Variants in MAML1 observed in about 807,000 individuals in gnomAD.
MAML1 encodes mastermind-like protein 1.
Under a neutral mutation model 77.1 loss-of-function variants are expected in MAML1, and 14 were observed. That is an observed-to-expected ratio of 0.18 (90% confidence interval 0.12 to 0.28). The LOEUF (loss-of-function observed/expected upper bound fraction) is 0.28. MAML1 is among the 10% of genes least tolerant of loss of function. The pLI is 1.00. For synonymous variants in MAML1, 516 were observed against 551.9 expected, an observed-to-expected ratio of 0.93 and a Z score of 0.91; for missense variants, 1,217 against 1,327.8, an observed-to-expected ratio of 0.92 and a Z score of 1.30.
intron 1 of MAML1, among the ~76,000 whole-genome samples, chr5:179,761,256 T>A (rs1304583816): frequency 6.6e-6 from 1 of 151,538 alleles, no homozygotes; most frequent in Non-Finnish European, 1.5e-5. Flanking sequence ...TAGCCAGTTA[T>A]GGTGGTTCAT....
At chr5:179,738,850 GGCTCACTACA>G (rs1292655610) in intron 1 of MAML1, among the ~76,000 whole-genome samples, 2 of 150,064 alleles carry the variant, frequency 1.3e-5, no homozygotes, top group Admixed American at 1.3e-4. Context: ...GCACCATTAT[GGCTCACTACA>G]GCCTCAACCT....
intron 4 of MAML1, among the ~76,000 whole-genome samples, chr5:179,773,146 G>A (rs765689553): frequency 6.6e-6 from 1 of 152,234 alleles, no homozygotes; most frequent in Non-Finnish European, 1.5e-5. Flanking sequence ...GTCTCCCAAA[G>A]TGCTGGGATT....
chr5:179,735,585 T>C (rs1186838275), intron 1 of MAML1, among the ~76,000 whole-genome samples: 1 of 152,104 alleles, frequency 6.6e-6, no homozygotes, highest in African/African-American at 2.4e-5. Context: ...GAGATGGGGT[T>C]TCACCATGTT....
chr5:179,752,849 C>T (rs1215814898), intron 1 of MAML1, among the ~76,000 whole-genome samples: 1 of 152,074 alleles, frequency 6.6e-6, no homozygotes, highest in East Asian at 1.9e-4. Flanking sequence ...TCTCGGCTCA[C>T]CGCAACCACC....
rs765727565 is a variant in MAML1 at position 179,774,423 on chromosome 5, T to A, written c.2597T>A (p.Phe866Tyr). The A allele has an allele frequency of 1.5e-5, 25 of 1,613,102 alleles. No individual in the cohort carries two copies. Among genetic ancestry groups the A allele is most frequent in the Middle Eastern group, 3.3e-4 (2 of 6,084 alleles). The change falls in exon 5 of 5, where the codon TTC becomes TAC. Residue 866 changes from phenylalanine to tyrosine, a missense_variant. Phe to Tyr is a conservative substitution (Grantham distance 22). Coordinates refer to ENST00000292599, the MANE Select transcript of MAML1 (RefSeq NM_014757.5). Reference protein sequence around the residue: ...NVSPFTAASSFHMQQQAHLKM... With the variant: ...NVSPFTAASSYHMQQQAHLKM... ...AGTCCCTTCACTGCAGCCTCCAGTT[T>A]CCACATGCAGCAGCAGGCCCACCTG...
In MAML1 at chr5:179,776,617, G is replaced by C; in HGVS notation, c.*1740G>C. 1.0e-6 allele frequency: 1 copy of C among 985,680 alleles called. No homozygotes were observed. The highest frequency in any genetic ancestry group is 1.2e-6 in the Non-Finnish European group (1 of 829,964). 61.1% of individuals were successfully genotyped at this position (985,680 alleles called of 1,614,324 possible). On this transcript the variant is annotated 3_prime_UTR_variant, in exon 5 of 5. Coordinates refer to ENST00000292599, the MANE Select transcript of MAML1 (RefSeq NM_014757.5). ...GTTCCCCAATCTGAAGGGGAAGAGG[G>C]TGACCTCAGCGGCTTTTCTCCCAAA...
rs141672969 is a variant in MAML1, at chr5:179,744,721, G to A, written c.315+11294G>A. Reference sequence around the variant, plus strand: ...GTAGAGACGAGGTTTCACCATATTGGCTAAGCTGGTCTTGAACTCCTGGCC... The same window carrying A: ...GTAGAGACGAGGTTTCACCATATTGACTAAGCTGGTCTTGAACTCCTGGCC... On this transcript the variant is annotated intron_variant, in intron 1 of 4. Transcript: ENST00000292599. Among the ~76,000 whole-genome samples, 305 of 151,778 alleles carry A rather than the reference G, an allele frequency of 2.0e-3. 3 individuals are homozygous for A. Among genetic ancestry groups the A allele is most frequent in the African/African-American group, 7.0e-3 (290 of 41,374 alleles).
chr5:179,770,265 A>G (rs559542489), intron 3 of MAML1, among the ~76,000 whole-genome samples: 35 of 152,192 alleles, frequency 2.3e-4, no homozygotes, highest in East Asian at 9.7e-4. Context: ...TGGCTAACAC[A>G]GTGAAACCCC....
rs200898676 is a variant in MAML1, at chr5:179,774,771, G to A, written c.2945G>A (p.Gly982Glu). 6.2e-7 allele frequency: 1 copy of A among 1,613,642 alleles called. No individual in the cohort carries two copies. Among genetic ancestry groups the A allele is most frequent in the East Asian group, 2.2e-5 (1 of 44,886 alleles). ...TATAGCGGGCAGCCAGGTGGCAGTG[G>A]GCTCTCTAGTGTGGCTGGACACACC... ...FAYSGQPGGS[G>E]LSSVAGHTDL... Residue 982 changes from glycine (G) to glutamate (E), a missense_variant, in exon 5 of 5, where the codon GGG (glycine) becomes GAG (glutamate). Transcript: ENST00000292599.
chr5:179,746,121 G>A (rs1187835159), intron 1 of MAML1, among the ~76,000 whole-genome samples: 3 of 151,226 alleles, frequency 2.0e-5, no homozygotes, highest in African/African-American at 7.3e-5. Flanking sequence ...AGGCAGGTGC[G>A]GATCACCTGA....
chr5:179,773,761 C>T, intron 4 of MAML1, 134 bp from the exon 5 acceptor site: 1 of 1,497,364 alleles, frequency 6.7e-7, no homozygotes, highest in Non-Finnish European at 8.8e-7. Flanking sequence ...CTGTGGAAGG[C>T]TTTCTGCCCC....
chr5:179,763,695 C>A (rs1779761507), intron 1 of MAML1, among the ~76,000 whole-genome samples: 1 of 152,138 alleles, frequency 6.6e-6, no homozygotes, highest in African/African-American at 2.4e-5. Flanking sequence ...GGAGTTGCCC[C>A]AGGCAGGACG....
At chr5:179,756,844 C>G (rs972381414) in intron 1 of MAML1, among the ~76,000 whole-genome samples, 15 of 152,198 alleles carry the variant, frequency 9.9e-5, no homozygotes, top group Admixed American at 9.8e-4. Flanking sequence ...AATGCCTGGT[C>G]ATCGGAGAGG....
chr5:179,748,400 AAAGTT>A, intron 1 of MAML1, among the ~76,000 whole-genome samples: 1 of 152,300 alleles, frequency 6.6e-6, no homozygotes, highest in South Asian at 2.1e-4. Context: ...TATACTTTAA[AAAGTT>A]AAGATGGTAA....
chr5:179,735,749 A>G (rs563016134), intron 1 of MAML1, among the ~76,000 whole-genome samples: 1 of 151,370 alleles, frequency 6.6e-6, no homozygotes, highest in East Asian at 2.0e-4. Flanking sequence ...GTGTAGTGAC[A>G]TGATTTCTGC....
chr5:179,766,872 G>T lies in MAML1; in HGVS notation c.1731+131G>T. ...GGAGGGAATAGCTGCTGTCATCCTT[G>T]CTCCTCTTGGGAGTGGAAATTTATA... On this transcript the variant is annotated intron_variant, in intron 2 of 4. Coordinates refer to ENST00000292599, the MANE Select transcript of MAML1 (RefSeq NM_014757.5). The surrounding 1 kb of genome is among the most constrained non-coding windows in gnomAD (Gnocchi z 4.0). 1 of 682,118 alleles carries T rather than the reference G, an allele frequency of 1.5e-6. No individual in the cohort carries two copies. The highest frequency in any genetic ancestry group is 2.3e-6 in the Non-Finnish European group (1 of 437,706). 42.3% of individuals were successfully genotyped at this position (682,118 alleles called of 1,614,324 possible). A position where few individuals can be genotyped will look rare whatever the true frequency, so the allele number is the denominator to read the frequency against.
At position 179,775,075 on chromosome 5, in the gene MAML1, TG is replaced by T; in HGVS notation, c.*200del. 1.4e-6 allele frequency: 2 copies of T among 1,390,026 alleles called. No homozygotes were observed. The highest frequency in any genetic ancestry group is 3.4e-5 in the South Asian group (2 of 58,138). 86.1% of individuals were successfully genotyped at this position (1,390,026 alleles called of 1,614,324 possible). A position where few individuals can be genotyped will look rare whatever the true frequency, so the allele number is the denominator to read the frequency against. On this transcript the variant is annotated 3_prime_UTR_variant, in exon 5 of 5. Coordinates refer to ENST00000292599, the MANE Select transcript of MAML1 (RefSeq NM_014757.5). ...GGCCAGCAGTTGAGGTCCATCGGGC[TG>T]GCCCCAGCCCATCTGCTGGCATCAG...
chr5:179,752,700 G>A (rs533874939), intron 1 of MAML1, among the ~76,000 whole-genome samples: 1 of 140,886 alleles, frequency 7.1e-6, no homozygotes, highest in East Asian at 2.2e-4. Flanking sequence ...TCCGCCTCCC[G>A]GGTTCACGCC....
At position 179,773,954 on chromosome 5, in the gene MAML1, C is replaced by G. The variant is rs760363021; in HGVS notation, c.2128C>G (p.Arg710Gly). Residue 710 changes from arginine (R) to glycine (G), a missense_variant, in exon 5 of 5, where the codon CGA (arginine) becomes GGA (glycine). Physicochemically the swap from Arg to Gly is moderately radical, Grantham distance 125. Transcript: ENST00000292599. ...GGGTCCATCCAACTCCAGCTGTCCT[C>G]GAGTGTTCCCTCAGGCTGGGAATCT... The part of the protein sequence containing the change: ...TLGPSNSSCP[R>G]VFPQAGNLMP... 6.2e-7 allele frequency: 1 copy of G among 1,614,218 alleles called. No homozygotes were observed. The highest frequency in any genetic ancestry group is 8.5e-7 in the Non-Finnish European group (1 of 1,180,038).
Sources: gnomAD v4.1 joint callset for allele counts (sites outside exome capture counted in the v4.1 genomes callset) on GRCh38, gnomAD v4.1.1 for gene constraint, Gnocchi (gnomAD v3.1) non-coding constraint, MANE v1.5 for transcripts, NCBI Gene and HGNC (gene_info 2026-07-23, HGNC 2026-07-21) for gene names.